Variants in RIF1 observed in about 807,000 individuals in gnomAD.
RIF1 encodes telomere-associated protein RIF1.
In RIF1, 45 loss-of-function variants were observed where a neutral mutation model predicts 247.1. The observed-to-expected ratio is 0.18, with a 90% CI of 0.14 to 0.23. The LOEUF (loss-of-function observed/expected upper bound fraction) is 0.23. Among genes scored for constraint, RIF1 ranks in the 10% least tolerant of loss-of-function variants. The pLI, the probability that RIF1 is intolerant of heterozygous loss-of-function variation, is 1.00. For missense variants in RIF1, 2,967 were observed against 2,862.5 expected, an observed-to-expected ratio of 1.04 and a Z score of -0.83; for synonymous variants, 1,087 against 978.8, an observed-to-expected ratio of 1.11 and a Z score of -2.06.
Position 151,437,260 on chromosome 2 carries a change from A to T in RIF1, c.1392A>T (p.Leu464Phe). ...TTTCAGAGCCATTGGAACATCCGTT[A>T]ATCAGCAGCCCTTCCTTTTTTTCCA... The part of the protein sequence containing the change: ...VLSLEPLEHP[L>F]ISSPSFFSKH... The change falls in exon 13 of 36, where the codon TTA (leucine) becomes TTT (phenylalanine). Residue 464 changes from leucine (L) to phenylalanine (F), a missense_variant. By Grantham distance (22) the Leu-to-Phe change is conservative (BLOSUM62 0). Around this residue, in one of 7 missense-constraint regions of RIF1, gnomAD observed 369 missense variants for 322.0 expected, o/e 1.15. Coordinates refer to ENST00000444746, the MANE Select transcript of RIF1 (RefSeq NM_018151.5). The T allele has an allele frequency of 6.2e-7, 1 of 1,612,538 alleles. No individual in the cohort carries two copies. Among genetic ancestry groups the T allele is most frequent in the Non-Finnish European group, 8.5e-7 (1 of 1,178,566 alleles).
In RIF1 at chr2:151,474,030, G is replaced by A. The variant is rs750785728; in HGVS notation, c.7162G>A (p.Glu2388Lys). ...DISEKTVNGI[E>K]NKSLSPDEER... The stretch of plus-strand genomic sequence containing the variant: ...TTCTGAAAAAACAGTAAATGGAATA[G>A]AAAATAAATCTTTGTCACCTGATGA... The change falls in exon 35 of 36, where the codon GAA becomes AAA. Residue 2388 changes from glutamate to lysine, a missense_variant. Physicochemically the swap from Glu to Lys is moderately conservative, Grantham distance 56. This residue lies in a region of RIF1 where 151 missense variants were observed against 163.4 expected (regional missense o/e 0.92). Transcript: ENST00000444746. 3 of 1,587,262 alleles carry A rather than the reference G, an allele frequency of 1.9e-6. No homozygotes were observed. The Admixed American group carries it at 5.1e-5, about 27-fold the overall frequency.
chr2:151,417,489 T>C (rs758691971), intron 6 of RIF1, among the ~76,000 whole-genome samples: 2 of 152,192 alleles, frequency 1.3e-5, no homozygotes, highest in Non-Finnish European at 2.9e-5. Flanking sequence ...TTTAGTAATA[T>C]AACAATAAGT....
At chr2:151,419,681 G>A (rs191976865) in intron 6 of RIF1, among the ~76,000 whole-genome samples, 10 of 152,218 alleles carry the variant, frequency 6.6e-5, no homozygotes, top group South Asian at 2.1e-4. Flanking sequence ...TAAATGCGCC[G>A]TACTTTTATA....
intron 10 of RIF1, chr2:151,497,100 G>GGGTAA (rs1207657643): frequency 1.7e-5 from 26 of 1,513,170 alleles, no homozygotes; most frequent in Non-Finnish European, 2.0e-5. Flanking sequence ...AAGGTTTTAA[G>GGGTAA]GGTAAGGTCA....
downstream of RIF1, among the ~76,000 whole-genome samples, chr2:151,512,019 CTTTTTTTTTTTTTTT>C (rs71403173): frequency 1.1e-5 from 1 of 93,568 alleles, no homozygotes; most frequent in South Asian, 3.7e-4. Context: ...CCCTCTCACT[CTTTTTTTTTTTTTTT>C]TTTTTTTTTT....
intron 20 of RIF1, among the ~76,000 whole-genome samples, chr2:151,447,582 G>C (rs1320731621): frequency 6.6e-6 from 1 of 152,150 alleles, no homozygotes; most frequent in Non-Finnish European, 1.5e-5. Flanking sequence ...GTCTCACTCT[G>C]CTGCGCAGGC....
chr2:151,454,993 C>A lies in RIF1; in HGVS notation c.2443C>A (p.His815Asn). ...KLIVKVIYSFHTLSFKEAHSD... is the reference protein window; with the variant it reads ...KLIVKVIYSFNTLSFKEAHSD... ...TATTGTGAAAGTGATCTATTCTTTC[C>A]ACACACTGAGCTTCAAGGAAGCACA... The change falls in exon 22 of 36, where the codon CAC becomes AAC. Residue 815 changes from histidine (H) to asparagine (N), a missense_variant. This residue lies in a region of RIF1 where 2,028 missense variants were observed against 1,825.6 expected (regional missense o/e 1.11). Transcript: ENST00000444746. 6.2e-7 allele frequency: 1 copy of A among 1,613,616 alleles called. No homozygotes were observed. Among genetic ancestry groups the A allele is most frequent in the East Asian group, 2.2e-5 (1 of 44,826 alleles).
chr2:151,442,234 C>G (rs1242208687), intron 16 of RIF1, among the ~76,000 whole-genome samples: 1 of 151,630 alleles, frequency 6.6e-6, no homozygotes, highest in Non-Finnish European at 1.5e-5. Context: ...TGCCACCACA[C>G]CCGGCTAATT....
At chr2:151,518,829 A>C in the RIF1 span, 1 of 624,772 alleles carries the variant, frequency 1.6e-6, no homozygotes, top group Non-Finnish European at 2.9e-6. Flanking sequence ...CATTTGGAAG[A>C]ATACACTCAA....
In RIF1 at chr2:151,465,398, A is replaced by T. The variant is rs1352246738; in HGVS notation, c.5878A>T (p.Asn1960Tyr). ...CTCTGAAGCAGACACAGCTAAACTGAATGCCAAAGAAGTAGCAACTGAGGA... is the reference window on the plus strand; with the variant it reads ...CTCTGAAGCAGACACAGCTAAACTGTATGCCAAAGAAGTAGCAACTGAGGA... ...DDSEADTAKL[N>Y]AKEVATEEFN... Residue 1960 changes from asparagine to tyrosine, a missense_variant, in exon 30 of 36, where the codon AAT (asparagine) becomes TAT (tyrosine). Physicochemically the swap from Asn to Tyr is moderately radical, Grantham distance 143. Coordinates refer to ENST00000444746, the MANE Select transcript of RIF1 (RefSeq NM_018151.5). 1 of 1,613,502 alleles carries T rather than the reference A, an allele frequency of 6.2e-7. No homozygotes were observed.
In RIF1 at chr2:151,480,738, T is replaced by C. The variant is rs2049132661; in HGVS notation, c.*5667T>C. On this transcript the variant is annotated 3_prime_UTR_variant, in exon 36 of 36. Coordinates refer to ENST00000444746, the MANE Select transcript of RIF1 (RefSeq NM_018151.5). ...GTCTAACAATTATTTTGATACACTA[T>C]TGAATAGCTAACAAGTGTCTAAAGA... 1 of 152,174 alleles carries C rather than the reference T, an allele frequency of 6.6e-6. No homozygotes were observed. The highest frequency in any genetic ancestry group is 1.5e-5 in the Non-Finnish European group (1 of 68,024). 9.4% of individuals were successfully genotyped at this position (152,174 alleles called of 1,614,324 possible).
the RIF1 span, among the ~76,000 whole-genome samples, chr2:151,524,881 T>G: frequency 1.3e-5 from 2 of 152,008 alleles, no homozygotes; most frequent in Non-Finnish European, 2.9e-5. Flanking sequence ...TTGGCCAGGC[T>G]GGTCTCGAAC....
intron 6 of RIF1, among the ~76,000 whole-genome samples, chr2:151,418,896 C>T (rs1687670771): frequency 6.6e-6 from 1 of 150,750 alleles, no homozygotes; most frequent in African/African-American, 2.4e-5. Flanking sequence ...GAATACTTAG[C>T]TTAAAACACA....
At chr2:151,507,040 T>TAAGA (rs1185556704) in intron 13 of RIF1, 1 of 1,348,174 alleles carries the variant, frequency 7.4e-7, no homozygotes, top group Non-Finnish European at 1.1e-6. Flanking sequence ...AACATCTTGT[T>TAAGA]AAGATTTCAA....
intron 21 of RIF1, among the ~76,000 whole-genome samples, chr2:151,453,584 A>G (rs1357815128): frequency 4.0e-5 from 6 of 150,314 alleles, no homozygotes; most frequent in Non-Finnish European, 8.9e-5. Context: ...TGTCTCAAAA[A>G]AAAAAAAAAA....
chr2:151,508,302 C>A (rs2070980245), downstream of RIF1, among the ~76,000 whole-genome samples: 1 of 152,206 alleles, frequency 6.6e-6, no homozygotes, highest in South Asian at 2.1e-4. Flanking sequence ...CATACTTTTT[C>A]TTTCCAGGAA....
chr2:151,435,273 A>G (rs1690943302), intron 10 of RIF1, among the ~76,000 whole-genome samples, 190 bp from the exon 11 acceptor site: 1 of 152,214 alleles, frequency 6.6e-6, no homozygotes, highest in Non-Finnish European at 1.5e-5. Context: ...GGTAATACAT[A>G]TTTAGGGCAA....
In RIF1 at chr2:151,451,701, T is replaced by A; in HGVS notation, c.2340T>A (p.Val780=). The A allele has an allele frequency of 7.3e-7, 1 of 1,370,694 alleles. No individual in the cohort carries two copies. The highest frequency in any genetic ancestry group is 1.0e-6 in the Non-Finnish European group (1 of 960,862). The allele number at this position is 1,370,694 out of a possible 1,614,324, so 84.9% of individuals were successfully genotyped here. A position where few individuals can be genotyped will look rare whatever the true frequency, so the allele number is the denominator to read the frequency against. ...ATAATATTAAATATCAGCCCAAAGT[T>A]AAATGTAAGTATGTATTTTTTAACC... ...SPYNIKYQPK[V]KSPQRPSDWS... is the part of the protein sequence containing the mutation. The change falls in exon 21 of 36, where the codon GTT becomes GTA. Residue 780 remains valine (V), a synonymous_variant. Coordinates refer to ENST00000444746, the MANE Select transcript of RIF1 (RefSeq NM_018151.5).
rs545047162 is a variant in RIF1, at chr2:151,430,053, C to T, written c.925+1131C>T. ...TTTTTTTTTTTGAGACGGAGTTTCG[C>T]TCTGTCGTCCAGGCTGGAGTGCAGT... On this transcript the variant is annotated intron_variant, in intron 9 of 35. Coordinates refer to ENST00000444746, the MANE Select transcript of RIF1 (RefSeq NM_018151.5). Among the ~76,000 whole-genome samples the T allele has an allele frequency of 6.2e-4, 94 of 150,996 alleles. No homozygotes were observed. The South Asian group carries it at 0.018, about 29-fold the overall frequency.
Sources: allele counts gnomAD v4.1 joint callset (sites outside exome capture counted in the v4.1 genomes callset), GRCh38; gene constraint gnomAD v4.1.1; regional missense constraint gnomAD v4.1.1; transcripts MANE v1.5; gene names NCBI Gene and HGNC (gene_info 2026-07-23, HGNC 2026-07-21).